Variants in XPR1 observed in about 807,000 individuals in gnomAD.
XPR1 encodes the protein xenotropic and polytropic retrovirus receptor 1, also known as solute carrier family 53 member 1.
Under a neutral mutation model 87.5 loss-of-function variants are expected in XPR1, and 28 were observed. The observed-to-expected ratio is 0.32, with a 90% CI of 0.24 to 0.44. XPR1 has a LOEUF of 0.44. Ranked by LOEUF, XPR1 falls within the 20% of genes least tolerant of loss-of-function variation. The probability of loss-of-function intolerance (pLI) is 1.00; values close to 1 mark genes in which losing one functional copy is unlikely to be tolerated. For missense variants in XPR1, 559 were observed against 862.3 expected (o/e 0.65, Z 4.41); for synonymous variants, 300 against 306.1 (o/e 0.98, Z 0.21).
At chr1:180,821,546 A>T (rs1395928855) in intron 7 of XPR1, among the ~76,000 whole-genome samples, 1 of 152,162 alleles carries the variant, frequency 6.6e-6, no homozygotes, top group African/African-American at 2.4e-5. Context: ...TTGGAATTCC[A>T]TATGAATTTA....
chr1:180,666,319 C>A lies in XPR1; in HGVS notation c.70-16041C>A, dbSNP rs570403050. Among the ~76,000 whole-genome samples the A allele has an allele frequency of 2.0e-5, 3 of 152,232 alleles. No individual in the cohort carries two copies. The East Asian group carries it at 5.8e-4, about 29-fold the overall frequency. On this transcript the variant is annotated intron_variant, in intron 1 of 14. Transcript: ENST00000367590. ...TGACAATGGGGTTTTTCCATTTCTG[C>A]AAGAAAGATGTTTAGGATTTCGATA...
intron 1 of XPR1, among the ~76,000 whole-genome samples, chr1:180,638,437 TGA>T (rs1430963045): frequency 6.6e-6 from 1 of 152,166 alleles, no homozygotes; most frequent in South Asian, 2.1e-4. Context: ...CCTTTGGGAA[TGA>T]GAGAGTGTCA....
chr1:180,653,750 C>G (rs1655364647), intron 1 of XPR1, among the ~76,000 whole-genome samples: 1 of 152,110 alleles, frequency 6.6e-6, no homozygotes, highest in Non-Finnish European at 1.5e-5. Flanking sequence ...GAGGCCATTA[C>G]TGAGTAAAGT....
At chr1:180,661,900 A>T (rs1050005532) in intron 1 of XPR1, among the ~76,000 whole-genome samples, 2 of 152,018 alleles carry the variant, frequency 1.3e-5, no homozygotes, top group African/African-American at 2.4e-5. Flanking sequence ...CAACAAAAAA[A>T]CCCTCGTTAT....
chr1:180,719,448 ATGT>A (rs1658107646), intron 2 of XPR1, among the ~76,000 whole-genome samples: 1 of 152,212 alleles, frequency 6.6e-6, no homozygotes, highest in African/African-American at 2.4e-5. Context: ...AGCATTGGAC[ATGT>A]TGGGGCTTAG....
intron 2 of XPR1, among the ~76,000 whole-genome samples, chr1:180,767,998 C>T (rs1648357566): frequency 6.6e-6 from 1 of 152,098 alleles, no homozygotes; most frequent in Non-Finnish European, 1.5e-5. Flanking sequence ...GCGCCCGCCA[C>T]CATTCCTGGC....
rs1437894895 is a variant in XPR1 at position 180,660,473 on chromosome 1, A to C, written c.70-21887A>C. On this transcript the variant is annotated intron_variant, in intron 1 of 14. Transcript: ENST00000367590. ...TGAAGTTTTTCTTCTTTTTTGATGT[A>C]GGCACTTATAGCTATAAACTTTCCT... Among the ~76,000 whole-genome samples the C allele has an allele frequency of 2.0e-5, 3 of 152,014 alleles. No individual in the cohort carries two copies. The East Asian group carries it at 5.8e-4, about 29-fold the overall frequency.
intron 1 of XPR1, among the ~76,000 whole-genome samples, chr1:180,662,072 G>A (rs1655799217): frequency 6.6e-6 from 1 of 152,060 alleles, no homozygotes; most frequent in African/African-American, 2.4e-5. Context: ...TTTTTGATCA[G>A]TTCATCTTTT....
At chr1:180,697,473 T>C (rs1462030147) in intron 2 of XPR1, among the ~76,000 whole-genome samples, 1 of 152,124 alleles carries the variant, frequency 6.6e-6, no homozygotes, top group Non-Finnish European at 1.5e-5. Context: ...CTGATCTTTA[T>C]TATTGCTTTT....
At chr1:180,804,087 G>A (rs902716264) in intron 4 of XPR1, among the ~76,000 whole-genome samples, 5 of 151,798 alleles carry the variant, frequency 3.3e-5, no homozygotes, top group Non-Finnish European at 7.4e-5. Context: ...CTGGGTTCAA[G>A]CAATTCTCCT....
At chr1:180,765,590 A>G (rs186690193) in intron 2 of XPR1, among the ~76,000 whole-genome samples, 49 of 152,316 alleles carry the variant, frequency 3.2e-4, no homozygotes, top group African/African-American at 1.1e-3. Flanking sequence ...TGTTCCTTAT[A>G]TAAAATGGCA....
At chr1:180,659,385 TTCCTTCC>T (rs1655677191) in intron 1 of XPR1, among the ~76,000 whole-genome samples, 12 of 20,304 alleles carry the variant, frequency 5.9e-4, no homozygotes, top group South Asian at 4.2e-3. Flanking sequence ...CCTTCCGTCC[TTCCTTCC>T]TTCCTTCCTT....
chr1:180,670,555 A>G (rs1276711682), intron 1 of XPR1, among the ~76,000 whole-genome samples: 1 of 152,202 alleles, frequency 6.6e-6, no homozygotes, highest in Non-Finnish European at 1.5e-5. Flanking sequence ...ATTTTTATAT[A>G]CTGTGTGCCC....
intron 2 of XPR1, among the ~76,000 whole-genome samples, chr1:180,696,165 GGTGTGTGTGTGT>G (rs59249501): frequency 1.3e-3 from 132 of 102,990 alleles, no homozygotes; most frequent in African/African-American, 4.3e-3. Flanking sequence ...TTTATTCCTG[GGTGTGTGTGTGT>G]GTGTGTGTGT....
At position 180,855,313 on chromosome 1, in the gene XPR1, G is replaced by A. The variant is rs892558417; in HGVS notation, c.1502-8395G>A. 3.3e-5 allele frequency among the ~76,000 whole-genome samples: 5 copies of A among 152,152 alleles called. No homozygotes were observed. In the East Asian group the frequency reaches 9.6e-4, roughly 29 times the overall value. On this transcript the variant is annotated intron_variant, in intron 11 of 14. Coordinates refer to ENST00000367590, the MANE Select transcript of XPR1 (RefSeq NM_004736.4). Reference sequence around the variant, plus strand: ...GATTAACTTTTTTCTAAACTTTAATGTATTTTGTCCTTTGTTAACATATTA... The same window carrying A: ...GATTAACTTTTTTCTAAACTTTAATATATTTTGTCCTTTGTTAACATATTA...
chr1:180,855,002 A>G (rs1347122993), intron 11 of XPR1, among the ~76,000 whole-genome samples: 1 of 152,250 alleles, frequency 6.6e-6, no homozygotes, highest in East Asian at 1.9e-4. Flanking sequence ...TGAGTGAAAC[A>G]TAGCCTCAAT....
chr1:180,704,712 T>A (rs1168592864), intron 2 of XPR1, among the ~76,000 whole-genome samples: 1 of 151,520 alleles, frequency 6.6e-6, no homozygotes, highest in Non-Finnish European at 1.5e-5. Flanking sequence ...AGTATCCTAT[T>A]ATAACTTCTT....
intron 1 of XPR1, among the ~76,000 whole-genome samples, chr1:180,656,230 TTAACA>T (rs139540352): frequency 0.023 from 3,340 of 145,268 alleles, 59 homozygotes; most frequent in Middle Eastern, 0.077. Flanking sequence ...CCTTTTTGAC[TTAACA>T]TAATGACTTC....
intron 1 of XPR1, among the ~76,000 whole-genome samples, chr1:180,679,029 A>G (rs886656190): frequency 2.8e-4 from 43 of 152,172 alleles, no homozygotes; most frequent in African/African-American, 1.0e-3. Context: ...CCCCGTCTCT[A>G]CTAAAAATAC....
Sources: allele counts gnomAD v4.1 joint callset (sites outside exome capture counted in the v4.1 genomes callset), GRCh38; gene constraint gnomAD v4.1.1; transcripts MANE v1.5; gene names NCBI Gene and HGNC (gene_info 2026-07-23, HGNC 2026-07-21).